CHD1: variants seen among roughly 807,000 people sequenced by gnomAD.
CHD1 encodes the protein chromodomain helicase DNA binding protein 1.
A neutral mutation model predicts 224.2 loss-of-function variants in CHD1; 36 were observed. The observed-to-expected ratio is 0.16, with a 90% CI of 0.12 to 0.21. The LOEUF is 0.21. Among genes scored for constraint, CHD1 ranks in the 10% least tolerant of loss-of-function variants. The probability of loss-of-function intolerance (pLI) is 1.00; values close to 1 mark genes in which losing one functional copy is unlikely to be tolerated. For missense variants in CHD1, 1,378 were observed against 1,994.8 expected, an observed-to-expected ratio of 0.69 and a Z score of 5.89; for synonymous variants, 668 against 658.3, an observed-to-expected ratio of 1.01 and a Z score of -0.23.
chr5:98,880,937 C>T, intron 22 of CHD1, 139 bp downstream of exon 22: 1 of 637,832 alleles, frequency 1.6e-6, no homozygotes, highest in Admixed American at 3.2e-5. Flanking sequence ...ACTGGTTTGT[C>T]TGAACAAGAG....
At chr5:98,884,764 TAG>T (rs947246353) in intron 18 of CHD1, among the ~76,000 whole-genome samples, 1 of 151,706 alleles carries the variant, frequency 6.6e-6, no homozygotes, top group Non-Finnish European at 1.5e-5. Flanking sequence ...TTGCCTGGGC[TAG>T]AGTCTAGTGA....
At chr5:98,886,980 C>T (rs188096690) in intron 17 of CHD1, among the ~76,000 whole-genome samples, 1 of 152,148 alleles carries the variant, frequency 6.6e-6, no homozygotes, top group Non-Finnish European at 1.5e-5. Flanking sequence ...AACAAATCAA[C>T]ACAGGGCAGA....
At position 98,856,439 on chromosome 5, in the gene CHD1, C is replaced by G. The variant is rs745880893; in HGVS notation, c.5074G>C (p.Glu1692Gln). ...RSPYGSRSPF[E>Q]HSVEHKSTPE... The stretch of plus-strand genomic sequence containing the variant: ...GTACTTTTGTGTTCAACTGAATGTT[C>G]AAATGGAGATCTGGAGCCATAAGGA... The change falls in exon 36 of 36, where the codon GAA becomes CAA. Residue 1692 changes from glutamate to glutamine, a missense_variant. This residue lies in a region of CHD1 where 278 missense variants were observed against 298.5 expected (regional missense o/e 0.93). Coordinates refer to ENST00000614616, the MANE Select transcript of CHD1 (RefSeq NM_001270.4). 6.2e-7 allele frequency: 1 copy of G among 1,609,568 alleles called. No individual in the cohort carries two copies. Among genetic ancestry groups the G allele is most frequent in the South Asian group, 1.1e-5 (1 of 90,954 alleles).
rs781325526 is a variant in CHD1, at chr5:98,892,726, A to C, written c.1992-13T>G. On this transcript the variant is annotated splice_polypyrimidine_tract_variant and intron_variant, in intron 14 of 35. Coordinates refer to ENST00000614616, the MANE Select transcript of CHD1 (RefSeq NM_001270.4). ...CCAGGAAGAAAACCTTTAAAATTTA[A>C]GAAATTGGAACAATTACTAGAAAAA... 1.3e-6 allele frequency: 2 copies of C among 1,549,704 alleles called. No homozygotes were observed. Among genetic ancestry groups the C allele is most frequent in the East Asian group, 4.5e-5 (2 of 44,266 alleles).
rs1749086511 is a variant in CHD1 at position 98,868,642 on chromosome 5, A to G, written c.4108-7T>C. On this transcript the variant is annotated splice_polypyrimidine_tract_variant and splice_region_variant and intron_variant, in intron 30 of 35. Transcript: ENST00000614616. ...CAGACTTGGATTCACTCAACTAAAG[A>G]AAAAGTGAAAAGAAAACAAAAACAA... 16 of 1,539,486 alleles carry G rather than the reference A, an allele frequency of 1.0e-5. No homozygotes were observed. In the East Asian group the frequency reaches 3.5e-4, roughly 34 times the overall value.
chr5:98,903,716 A>T (rs1200456436), intron 4 of CHD1, 76 bp downstream of exon 4: 1 of 985,338 alleles, frequency 1.0e-6, no homozygotes, highest in Non-Finnish European at 1.6e-6. Flanking sequence ...ATTATTTTTA[A>T]TAATTTCACA....
intron 2 of CHD1, among the ~76,000 whole-genome samples, chr5:98,905,542 T>G (rs1169647633): frequency 6.6e-6 from 1 of 152,186 alleles, no homozygotes; most frequent in Non-Finnish European, 1.5e-5. Context: ...ATTCTTACAG[T>G]AACAGGCAGA....
At chr5:98,886,735 T>C (rs1750674327) in intron 17 of CHD1, among the ~76,000 whole-genome samples, 3 of 152,130 alleles carry the variant, frequency 2.0e-5, no homozygotes, top group Admixed American at 2.0e-4. Flanking sequence ...ATTAAAGTTT[T>C]AAAAAATTAA....
intron 2 of CHD1, among the ~76,000 whole-genome samples, chr5:98,907,708 A>G (rs1398676617): frequency 6.6e-6 from 1 of 151,978 alleles, no homozygotes; most frequent in Non-Finnish European, 1.5e-5. Context: ...TTTCTTTTGC[A>G]TAAGAAAGAA....
intron 11 of CHD1, among the ~76,000 whole-genome samples, 192 bp from the exon 12 acceptor site, chr5:98,896,634 A>C (rs1423665196): frequency 6.6e-6 from 1 of 152,160 alleles, no homozygotes; most frequent in African/African-American, 2.4e-5. Flanking sequence ...TAATGCTGTA[A>C]GAAAAGTAAA....
At chr5:98,907,810 G>A (rs1290851269) in intron 2 of CHD1, among the ~76,000 whole-genome samples, 1 of 151,790 alleles carries the variant, frequency 6.6e-6, no homozygotes, top group Non-Finnish European at 1.5e-5. Context: ...AAGAGAGGGA[G>A]GGAAGAGTAG....
chr5:98,862,333 CAG>C (rs952455185), intron 32 of CHD1, among the ~76,000 whole-genome samples: 7 of 152,168 alleles, frequency 4.6e-5, no homozygotes, highest in East Asian at 1.9e-4. Context: ...GAGAACCAAA[CAG>C]GGGAAAACCA....
intron 18 of CHD1, among the ~76,000 whole-genome samples, 191 bp downstream of exon 18, chr5:98,885,385 CTG>C (rs1478560941): frequency 6.6e-6 from 1 of 152,098 alleles, no homozygotes; most frequent in Non-Finnish European, 1.5e-5. Flanking sequence ...GAGTGAGACT[CTG>C]TCTCAAAGAT....
rs761500256 is a variant in CHD1 at position 98,868,641 on chromosome 5, G to A, written c.4108-6C>T. The A allele has an allele frequency of 1.3e-6, 2 of 1,534,792 alleles. No homozygotes were observed. The highest frequency in any genetic ancestry group is 4.4e-5 in the Admixed American group (2 of 45,206). ...TCAGACTTGGATTCACTCAACTAAA[G>A]AAAAAGTGAAAAGAAAACAAAAACA... On this transcript the variant is annotated splice_polypyrimidine_tract_variant and splice_region_variant and intron_variant, in intron 30 of 35. Transcript: ENST00000614616.
In CHD1 at chr5:98,899,515, A is replaced by C; in HGVS notation, c.1050T>G (p.Asp350Glu). 1 of 1,612,656 alleles carries C rather than the reference A, an allele frequency of 6.2e-7. No homozygotes were observed. The highest frequency in any genetic ancestry group is 8.5e-7 in the Non-Finnish European group (1 of 1,179,248). ...QQNVRGMKKLDNYKKKDQETK... is the reference protein window; with the variant it reads ...QQNVRGMKKLENYKKKDQETK... ...TTTCCTGATCTTTTTTCTTATAATT[A>C]TCCAATTTTTTCATTCCTCTAACAT... The change falls in exon 8 of 36, where the codon GAT becomes GAG. Residue 350 changes from aspartate to glutamate, a missense_variant. Physicochemically the swap from Asp to Glu is conservative, Grantham distance 45. This residue lies in a region of CHD1 where 15 missense variants were observed against 16.2 expected (regional missense o/e 0.93). Coordinates refer to ENST00000614616, the MANE Select transcript of CHD1 (RefSeq NM_001270.4).
chr5:98,903,771 T>G, intron 4 of CHD1, 21 bp downstream of exon 4: 1 of 1,500,978 alleles, frequency 6.7e-7, no homozygotes, highest in Non-Finnish European at 9.3e-7. Context: ...TTTAAAATAA[T>G]AGCTCATGAT....
chr5:98,873,361 T>G (rs945282761), intron 26 of CHD1, among the ~76,000 whole-genome samples: 3 of 152,204 alleles, frequency 2.0e-5, no homozygotes, highest in African/African-American at 7.2e-5. Context: ...CAGTAATTTC[T>G]GACCTTACCT....
chr5:98,864,628 G>A lies in CHD1; in HGVS notation c.4249-1042C>T, dbSNP rs1038122384. ...GAGGACTGTTTGAACCCAGGAGACT[G>A]TAATGAGCTGTGATCATGCCACTGG... On this transcript the variant is annotated intron_variant, in intron 31 of 35. Transcript: ENST00000614616. Among the ~76,000 whole-genome samples the A allele has an allele frequency of 7.3e-5, 11 of 151,628 alleles. No homozygotes were observed. In the South Asian group the frequency reaches 1.5e-3, roughly 20 times the overall value.
At chr5:98,864,433 A>G (rs566459415) in intron 31 of CHD1, among the ~76,000 whole-genome samples, 91 of 147,952 alleles carry the variant, frequency 6.2e-4, no homozygotes, top group African/African-American at 2.3e-3. Context: ...TAACCCCAGC[A>G]CTTTGGGAGG....
Sources: allele counts gnomAD v4.1 joint callset (sites outside exome capture counted in the v4.1 genomes callset), GRCh38; gene constraint gnomAD v4.1.1; regional missense constraint gnomAD v4.1.1; transcripts MANE v1.5; gene names NCBI Gene and HGNC (gene_info 2026-07-23, HGNC 2026-07-21).